The following SVEP1 variants were observed in gnomAD, a reference collection of about 807,000 sequenced individuals.
SVEP1 encodes the protein sushi, von Willebrand factor type A, EGF and pentraxin domain containing 1.
In SVEP1, 164 loss-of-function variants were observed where a neutral mutation model predicts 367.3. The ratio of observed to expected loss-of-function variants is 0.45; its 90% CI spans 0.39 to 0.51. The LOEUF (loss-of-function observed/expected upper bound fraction) is 0.51. SVEP1 is among the 20% of genes least tolerant of loss of function. SVEP1 has a pLI of 0.00. For missense variants in SVEP1, 4,117 were observed against 4,425.3 expected (o/e 0.93, Z 1.98); for synonymous variants, 1,666 against 1,611.6 (o/e 1.03, Z -0.81).
At chr9:110,560,631 C>T (rs1830415840) in intron 1 of SVEP1, among the ~76,000 whole-genome samples, 1 of 152,144 alleles carries the variant, frequency 6.6e-6, no homozygotes, top group African/African-American at 2.4e-5. Context: ...CACCATGAGG[C>T]TCCTCAAACT....
At chr9:110,395,487 A>C (rs1308586877) in intron 40 of SVEP1, among the ~76,000 whole-genome samples, 1 of 152,220 alleles carries the variant, frequency 6.6e-6, no homozygotes, top group Non-Finnish European at 1.5e-5. Flanking sequence ...GACAGGATCA[A>C]ATTCACACAT....
chr9:110,533,632 T>G (rs1423676483), intron 3 of SVEP1, among the ~76,000 whole-genome samples: 1 of 151,868 alleles, frequency 6.6e-6, no homozygotes, highest in Non-Finnish European at 1.5e-5. Flanking sequence ...GTGTGTATTT[T>G]GGCATCCCCA....
chr9:110,533,132 T>G (rs1830040680), intron 3 of SVEP1, among the ~76,000 whole-genome samples: 1 of 152,078 alleles, frequency 6.6e-6, no homozygotes, highest in African/African-American at 2.4e-5. Flanking sequence ...CGGTAAGGCT[T>G]GCTCACCTGC....
Position 110,503,164 on chromosome 9 carries a change from T to C in SVEP1, c.1357A>G (p.Thr453Ala), listed in dbSNP as rs766110856. ...QPKHGHISCS[T>A]REMLYKTTCL... ...GTTGTCTTATATAACATTTCCCTTGTAGAACAGCTGATGTGGCCATGTTTC... is the reference window on the plus strand; with the variant it reads ...GTTGTCTTATATAACATTTCCCTTGCAGAACAGCTGATGTGGCCATGTTTC... Residue 453 changes from threonine (T) to alanine (A), a missense_variant, in exon 6 of 48, where the codon ACA becomes GCA. Physicochemically the swap from Thr to Ala is moderately conservative, Grantham distance 58 (BLOSUM62 0). Coordinates refer to ENST00000374469, the MANE Select transcript of SVEP1 (RefSeq NM_153366.4). 1.2e-6 allele frequency: 2 copies of C among 1,613,996 alleles called. No homozygotes were observed. Among genetic ancestry groups the C allele is most frequent in the Admixed American group, 1.7e-5 (1 of 60,020 alleles).
chr9:110,374,195 C>T (rs557524537), intron 46 of SVEP1, among the ~76,000 whole-genome samples: 37 of 152,200 alleles, frequency 2.4e-4, no homozygotes, highest in African/African-American at 7.9e-4. Flanking sequence ...ATTGTTCCTA[C>T]GTGTTTACGT....
intron 36 of SVEP1, among the ~76,000 whole-genome samples, chr9:110,415,191 C>T (rs1220788547): frequency 1.3e-5 from 2 of 152,056 alleles, no homozygotes; most frequent in Admixed American, 6.5e-5. Flanking sequence ...CTTTCTTTCC[C>T]TGGCATTCAT....
chr9:110,423,094 C>T (rs1427136222), intron 36 of SVEP1, among the ~76,000 whole-genome samples: 17 of 123,168 alleles, frequency 1.4e-4, no homozygotes, highest in Non-Finnish European at 2.6e-4. Flanking sequence ...ACAATGTGCA[C>T]GTGTACCCTA....
In SVEP1 at chr9:110,383,529, G is replaced by T. The variant is rs1333858731; in HGVS notation, c.10237+2369C>A. Among the ~76,000 whole-genome samples, 4 of 56,834 alleles carry T rather than the reference G, an allele frequency of 7.0e-5. No individual in the cohort carries two copies. The East Asian group carries it at 9.9e-4, about 14-fold the overall frequency. The allele number at this position is 56,834 out of a possible 152,430, so 37.3% of individuals were successfully genotyped here. A position where few individuals can be genotyped will look rare whatever the true frequency, so the allele number is the denominator to read the frequency against. On this transcript the variant is annotated intron_variant, in intron 43 of 47. Transcript: ENST00000374469. ...TAAGGTGTCTGGTGACCCCTGTTGT[G>T]GGGGGGTCTCATCCGTGACCCCTGT... is the stretch of plus-strand genomic sequence containing the variant.
Position 110,482,446 on chromosome 9 carries a change from GA to G in SVEP1, c.2084del (p.Phe695SerfsTer7). ...ITRSHTQGDL[F>X]PQGETIVQYT... ...ACTGTACTATAGTCTCCCCTTGAGG[GA>G]AAAGGTCTCCTTGTGTATGACTTCT... On this transcript the variant is annotated frameshift_variant, in exon 11 of 48. Coordinates refer to ENST00000374469, the MANE Select transcript of SVEP1 (RefSeq NM_153366.4). LOFTEE classifies it high-confidence loss of function. 6.3e-7 allele frequency: 1 copy of G among 1,599,124 alleles called. No homozygotes were observed. The highest frequency in any genetic ancestry group is 8.5e-7 in the Non-Finnish European group (1 of 1,172,010).
At chr9:110,517,751 TAAAAA>T (rs5899902) in intron 3 of SVEP1, among the ~76,000 whole-genome samples, 1 of 50,530 alleles carries the variant, frequency 2.0e-5, no homozygotes, top group Non-Finnish European at 3.4e-5. Flanking sequence ...ACCTGGCTCT[TAAAAA>T]AAAAAAAAAA....
intron 30 of SVEP1, among the ~76,000 whole-genome samples, chr9:110,433,364 CAAAAAAA>C (rs10611877): frequency 0.16 from 13,249 of 81,086 alleles, 841 homozygotes; most frequent in South Asian, 0.22. Context: ...GTAGATAGGC[CAAAAAAA>C]AAAAAAAAAA....
chr9:110,376,628 A>G (rs994466670), intron 45 of SVEP1, among the ~76,000 whole-genome samples: 1 of 152,236 alleles, frequency 6.6e-6, no homozygotes, highest in Non-Finnish European at 1.5e-5. Context: ...AATGGTTTAC[A>G]TACACTGCTC....
intron 36 of SVEP1, among the ~76,000 whole-genome samples, chr9:110,414,417 A>C (rs947349753): frequency 6.6e-6 from 1 of 152,026 alleles, no homozygotes; most frequent in Non-Finnish European, 1.5e-5. Flanking sequence ...GAATACTCAG[A>C]CATTCCCAAT....
In SVEP1 at chr9:110,489,781, T is replaced by A; in HGVS notation, c.1801-2A>T. ...AGCTGGATGAACGTGGACTGACACC[T>A]ATTGGAGATACACAAATATTTTGAA... On this transcript the variant is annotated splice_acceptor_variant, in intron 8 of 47. Coordinates refer to ENST00000374469, the MANE Select transcript of SVEP1 (RefSeq NM_153366.4). LOFTEE classifies it high-confidence loss of function. 2 of 1,605,630 alleles carry A rather than the reference T, an allele frequency of 1.2e-6. No homozygotes were observed. The highest frequency in any genetic ancestry group is 8.5e-7 in the Non-Finnish European group (1 of 1,176,574).
chr9:110,516,633 G>T lies in SVEP1; in HGVS notation c.965-2527C>A, dbSNP rs188829954. The stretch of plus-strand genomic sequence containing the variant: ...GGACAACGTGGTTTCCTTTAAACAG[G>T]AGTCAGCAGCTGTAGAAGAAAATGA... On this transcript the variant is annotated intron_variant, in intron 3 of 47. Coordinates refer to ENST00000374469, the MANE Select transcript of SVEP1 (RefSeq NM_153366.4). Among the ~76,000 whole-genome samples, 189 of 152,148 alleles carry T rather than the reference G, an allele frequency of 1.2e-3. 5 individuals carry two copies. In the South Asian group the frequency reaches 0.029, roughly 23 times the overall value.
chr9:110,555,897 TA>T (rs1255233747), intron 1 of SVEP1, among the ~76,000 whole-genome samples: 5 of 152,186 alleles, frequency 3.3e-5, no homozygotes, highest in African/African-American at 9.6e-5. Context: ...ATTTAAGAAG[TA>T]AATAGATCTG....
At chr9:110,411,858 T>G (rs1373328489) in intron 36 of SVEP1, 123 bp from the exon 37 acceptor site, 15 of 941,568 alleles carry the variant, frequency 1.6e-5, no homozygotes, top group Non-Finnish European at 2.1e-5. Context: ...AAATAATATT[T>G]CCTCTTTGAA....
At chr9:110,368,449 A>G (rs928491973) in intron 47 of SVEP1, among the ~76,000 whole-genome samples, 1 of 152,180 alleles carries the variant, frequency 6.6e-6, no homozygotes, top group African/African-American at 2.4e-5. Context: ...TTGGATGCCT[A>G]TATCAAACTT....
chr9:110,555,600 C>G (rs960265140), intron 1 of SVEP1, among the ~76,000 whole-genome samples: 5 of 152,178 alleles, frequency 3.3e-5, no homozygotes, highest in African/African-American at 1.2e-4. Flanking sequence ...ACACAAAACA[C>G]TTCAAGCCAT....
Sources: gnomAD v4.1 joint callset for allele counts (sites outside exome capture counted in the v4.1 genomes callset) on GRCh38, gnomAD v4.1.1 for gene constraint, MANE v1.5 for transcripts, NCBI Gene and HGNC (gene_info 2026-07-23, HGNC 2026-07-21) for gene names.